Variants in TDRD10 observed in about 807,000 individuals in gnomAD.
TDRD10 encodes the protein tudor domain containing 10.
Under a neutral mutation model 48.0 loss-of-function variants are expected in TDRD10, and 40 were observed. That is an observed-to-expected ratio of 0.83 (90% CI 0.65 to 1.09). The LOEUF is 1.09. Ranked by LOEUF, TDRD10 falls within the 50% of genes least tolerant of loss-of-function variation. TDRD10 has a pLI of 0.00. For synonymous variants in TDRD10, 162 were observed against 170.4 expected (o/e 0.95, Z 0.38); for missense variants, 378 against 434.7 (o/e 0.87, Z 1.16).
intron 6 of TDRD10, among the ~76,000 whole-genome samples, chr1:154,535,382 AGAG>A (rs750387942): frequency 6.9e-5 from 10 of 143,966 alleles, no homozygotes; most frequent in Non-Finnish European, 9.1e-5. Flanking sequence ...AAAAAAAAAA[AGAG>A]AGAGAGAATA....
intron 6 of TDRD10, among the ~76,000 whole-genome samples, chr1:154,531,535 G>A (rs1465303115): frequency 6.6e-6 from 1 of 152,120 alleles, no homozygotes; most frequent in Admixed American, 6.6e-5. Context: ...CACATCTGGA[G>A]TTGTTCATTC....
At chr1:154,529,631 C>T (rs185984330) in intron 6 of TDRD10, among the ~76,000 whole-genome samples, 12 of 151,714 alleles carry the variant, frequency 7.9e-5, no homozygotes, top group East Asian at 5.8e-4. Flanking sequence ...CTGCAACCTC[C>T]GCCTCCCAGG....
At chr1:154,508,560 C>T in intron 4 of TDRD10, 79 bp downstream of exon 4, 1 of 980,318 alleles carries the variant, frequency 1.0e-6, no homozygotes, top group Admixed American at 1.7e-5. Flanking sequence ...AACTTAATTT[C>T]CCCAGTTTTT....
intron 5 of TDRD10, 104 bp from the exon 6 acceptor site, chr1:154,521,219 A>C: frequency 8.8e-7 from 1 of 1,137,040 alleles, no homozygotes; most frequent in Non-Finnish European, 1.3e-6. Flanking sequence ...ATCACTGCAG[A>C]GAGAAAGGAC....
intron 6 of TDRD10, among the ~76,000 whole-genome samples, chr1:154,539,738 C>A (rs1324648781): frequency 1.3e-5 from 2 of 152,250 alleles, no homozygotes. Flanking sequence ...AGACACTTGT[C>A]ATTCTTGTTC....
Position 154,510,919 on chromosome 1 carries a change from G to C in TDRD10, c.141+2438G>C, listed in dbSNP as rs551816683. ...AAATTAGCGGGGCATGGTGGTGGGCGCCTGTAGTCCCAGCTACTCGGGAGG... is the reference window on the plus strand; with the variant it reads ...AAATTAGCGGGGCATGGTGGTGGGCCCCTGTAGTCCCAGCTACTCGGGAGG... On this transcript the variant is annotated intron_variant, in intron 4 of 12. Transcript: ENST00000368482. Among the ~76,000 whole-genome samples, 3 of 147,278 alleles carry C rather than the reference G, an allele frequency of 2.0e-5. No individual in the cohort carries two copies. The South Asian group carries it at 6.6e-4, about 32-fold the overall frequency.
chr1:154,540,783 A>T (rs1192919663), intron 6 of TDRD10, among the ~76,000 whole-genome samples: 3 of 152,134 alleles, frequency 2.0e-5, no homozygotes, highest in African/African-American at 7.2e-5. Context: ...GAGAAGGTGG[A>T]TGGGGAGAGG....
At chr1:154,520,976 C>T (rs1186887010) in intron 5 of TDRD10, among the ~76,000 whole-genome samples, 3 of 152,154 alleles carry the variant, frequency 2.0e-5, no homozygotes, top group East Asian at 1.9e-4. Context: ...TGGGCTCAAG[C>T]GATCCGCCTG....
intron 6 of TDRD10, among the ~76,000 whole-genome samples, chr1:154,526,325 T>G (rs1164430279): frequency 1.3e-5 from 2 of 150,508 alleles, no homozygotes; most frequent in Non-Finnish European, 3.0e-5. Flanking sequence ...TAGTGAGTTA[T>G]GATAATGCCA....
At chr1:154,544,749 A>C in intron 10 of TDRD10, 46 bp from the exon 11 acceptor site, 2 of 1,602,180 alleles carry the variant, frequency 1.2e-6, no homozygotes, top group East Asian at 4.5e-5. Flanking sequence ...TGTGCATGGC[A>C]CTAGGCGGAA....
At chr1:154,545,177 C>A (rs976814883) in intron 11 of TDRD10, among the ~76,000 whole-genome samples, 2 of 152,174 alleles carry the variant, frequency 1.3e-5, no homozygotes, top group South Asian at 4.1e-4. Context: ...TCAGATGCTG[C>A]CCAAAGGCTG....
chr1:154,531,763 C>G (rs1286281672), intron 6 of TDRD10, among the ~76,000 whole-genome samples: 1 of 152,174 alleles, frequency 6.6e-6, no homozygotes, highest in Non-Finnish European at 1.5e-5. Context: ...TTATCTGGCC[C>G]CACCCACATC....
chr1:154,521,007 G>A (rs183727624), intron 5 of TDRD10, among the ~76,000 whole-genome samples: 2 of 152,310 alleles, frequency 1.3e-5, no homozygotes, highest in Admixed American at 1.3e-4. Flanking sequence ...CCAAAGTGCT[G>A]GGATTGCAGA....
intron 6 of TDRD10, among the ~76,000 whole-genome samples, chr1:154,537,842 G>A (rs748311338): frequency 6.6e-6 from 1 of 152,194 alleles, no homozygotes; most frequent in Non-Finnish European, 1.5e-5. Context: ...TGGTAGAAAT[G>A]TCCCAGAACA....
chr1:154,532,394 A>G (rs1694682184), intron 6 of TDRD10, among the ~76,000 whole-genome samples: 1 of 152,014 alleles, frequency 6.6e-6, no homozygotes, highest in Non-Finnish European at 1.5e-5. Context: ...GCCCACGCCC[A>G]CCCAGAACTC....
At chr1:154,506,436 C>T (rs1295153619) in intron 1 of TDRD10, among the ~76,000 whole-genome samples, 2 of 150,610 alleles carry the variant, frequency 1.3e-5, no homozygotes, top group African/African-American at 4.9e-5. Flanking sequence ...AGTGCAGTGG[C>T]CCAATCTCAG....
At chr1:154,514,635 A>C (rs1693654467) in intron 4 of TDRD10, among the ~76,000 whole-genome samples, 1 of 152,078 alleles carries the variant, frequency 6.6e-6, no homozygotes, top group African/African-American at 2.4e-5. Context: ...CGGCCAACCC[A>C]CTGCTGTCCC....
intron 1 of TDRD10, among the ~76,000 whole-genome samples, 156 bp downstream of exon 1, chr1:154,503,185 G>A (rs891049789): frequency 2.0e-5 from 3 of 152,172 alleles, no homozygotes; most frequent in Admixed American, 6.5e-5. Flanking sequence ...GGTTGGGAGC[G>A]GCCCTCCTAG....
chr1:154,545,296 T>C (rs1203559739), intron 11 of TDRD10, among the ~76,000 whole-genome samples: 1 of 152,154 alleles, frequency 6.6e-6, no homozygotes, highest in Non-Finnish European at 1.5e-5. Flanking sequence ...CAGATTTCAC[T>C]GGAAAAAGAT....
Sources: gnomAD v4.1 joint callset for allele counts (sites outside exome capture counted in the v4.1 genomes callset) on GRCh38, gnomAD v4.1.1 for gene constraint, MANE v1.5 for transcripts, NCBI Gene and HGNC (gene_info 2026-07-23, HGNC 2026-07-21) for gene names.